PLEKHG1: variants seen among roughly 807,000 people sequenced by gnomAD.
PLEKHG1 encodes pleckstrin homology domain-containing family G member 1.
In PLEKHG1, 44 loss-of-function variants were observed where a neutral mutation model predicts 100.8. The observed-to-expected ratio is 0.44, with a 90% CI of 0.34 to 0.56. The LOEUF is 0.56. Ranked by LOEUF, PLEKHG1 falls within the 20% of genes least tolerant of loss-of-function variation. The pLI is 0.01. For synonymous variants in PLEKHG1, 640 were observed against 662.5 expected (o/e 0.97, Z 0.52); for missense variants, 1,545 against 1,720.9 (o/e 0.90, Z 1.81).
intron 1 of PLEKHG1, chr6:150,625,764 G>C (rs771554071): frequency 6.6e-6 from 1 of 152,196 alleles, no homozygotes; most frequent in Non-Finnish European, 1.5e-5. Flanking sequence ...AAAGTGCTGG[G>C]ATTACAGGCA....
chr6:150,787,273 A>C (rs1323890477), intron 4 of PLEKHG1, among the ~76,000 whole-genome samples: 1 of 152,176 alleles, frequency 6.6e-6, no homozygotes, highest in Non-Finnish European at 1.5e-5. Context: ...AAGCTGCATC[A>C]GTGGTTTCGA....
intron 2 of PLEKHG1, among the ~76,000 whole-genome samples, chr6:150,641,020 GCT>G (rs1778234453): frequency 2.0e-5 from 3 of 152,112 alleles, no homozygotes; most frequent in African/African-American, 7.2e-5. Context: ...GCTAGAGAAT[GCT>G]CTAGCTTATC....
chr6:150,644,334 GTT>G (rs57840463), intron 2 of PLEKHG1, among the ~76,000 whole-genome samples: 18 of 117,590 alleles, frequency 1.5e-4, no homozygotes, highest in African/African-American at 4.5e-4. Flanking sequence ...TTCTTTTCGT[GTT>G]TTTTTTTTTT....
chr6:150,634,407 G>A (rs953502019), intron 1 of PLEKHG1, among the ~76,000 whole-genome samples: 1 of 152,148 alleles, frequency 6.6e-6, no homozygotes, highest in Non-Finnish European at 1.5e-5. Context: ...TAAAGCAGTA[G>A]TTGGGGAGAA....
intron 2 of PLEKHG1, among the ~76,000 whole-genome samples, chr6:150,750,474 G>GT (rs1477086842): frequency 6.6e-6 from 1 of 152,078 alleles, no homozygotes; most frequent in African/African-American, 2.4e-5. Flanking sequence ...TAACAGGAAT[G>GT]TTTTTTTAAT....
intron 1 of PLEKHG1, among the ~76,000 whole-genome samples, chr6:150,604,574 C>T (rs1457888539): frequency 1.3e-5 from 2 of 152,182 alleles, no homozygotes; most frequent in Admixed American, 6.5e-5. Context: ...AGTGTCCTTC[C>T]GTATTTTCGT....
At chr6:150,609,117 A>G (rs924372590) in intron 1 of PLEKHG1, among the ~76,000 whole-genome samples, 6 of 152,168 alleles carry the variant, frequency 3.9e-5, no homozygotes, top group African/African-American at 1.4e-4. Flanking sequence ...AAGGGAACAC[A>G]TTTTTGCTTG....
intron 3 of PLEKHG1, among the ~76,000 whole-genome samples, chr6:150,682,574 T>G (rs1779972117): frequency 6.6e-6 from 1 of 152,068 alleles, no homozygotes; most frequent in Non-Finnish European, 1.5e-5. Flanking sequence ...CCTTTATTGC[T>G]GATAAGCTGA....
At chr6:150,763,596 G>C (rs543003694) in intron 2 of PLEKHG1, among the ~76,000 whole-genome samples, 1 of 152,144 alleles carries the variant, frequency 6.6e-6, no homozygotes, top group Non-Finnish European at 1.5e-5. Context: ...CCAAACCTCA[G>C]AACAGCCCTG....
At chr6:150,807,095 G>C (rs1787164787) in intron 7 of PLEKHG1, among the ~76,000 whole-genome samples, 1 of 152,068 alleles carries the variant, frequency 6.6e-6, no homozygotes, top group Non-Finnish European at 1.5e-5. Flanking sequence ...ACTTCATTAT[G>C]GCCCCAAAGC....
intron 3 of PLEKHG1, among the ~76,000 whole-genome samples, chr6:150,712,422 T>G (rs577874148): frequency 6.6e-6 from 1 of 152,212 alleles, no homozygotes; most frequent in Non-Finnish European, 1.5e-5. Flanking sequence ...TCTTATATTT[T>G]AACCACACAA....
chr6:150,647,509 A>G (rs145926359), intron 2 of PLEKHG1, among the ~76,000 whole-genome samples: 71 of 152,248 alleles, frequency 4.7e-4, no homozygotes, highest in African/African-American at 1.6e-3. Flanking sequence ...TGTTTTGCCT[A>G]TGTAACTTAT....
At chr6:150,775,342 C>A (rs1439991383) in intron 3 of PLEKHG1, among the ~76,000 whole-genome samples, 4 of 152,160 alleles carry the variant, frequency 2.6e-5, no homozygotes, top group Non-Finnish European at 4.4e-5. Flanking sequence ...AAATAAAGAT[C>A]ATTCCTCCAT....
intron 3 of PLEKHG1, among the ~76,000 whole-genome samples, chr6:150,784,367 G>C (rs1175432787): frequency 6.6e-6 from 1 of 152,156 alleles, no homozygotes; most frequent in East Asian, 1.9e-4. Flanking sequence ...TAGACAAATA[G>C]CTCCCTGAGT....
At chr6:150,714,108 C>G (rs1244055712) in intron 3 of PLEKHG1, among the ~76,000 whole-genome samples, 1 of 152,148 alleles carries the variant, frequency 6.6e-6, no homozygotes, top group Non-Finnish European at 1.5e-5. Flanking sequence ...GTGTTATCTC[C>G]TGGAGAAAAA....
intron 3 of PLEKHG1, among the ~76,000 whole-genome samples, chr6:150,691,300 T>G (rs1780342722): frequency 6.6e-6 from 1 of 152,200 alleles, no homozygotes; most frequent in African/African-American, 2.4e-5. Context: ...TCTACTGGTA[T>G]TTTTATATTT....
intron 2 of PLEKHG1, among the ~76,000 whole-genome samples, chr6:150,748,064 G>C (rs1323706395): frequency 6.6e-6 from 1 of 152,108 alleles, no homozygotes; most frequent in African/African-American, 2.4e-5. Flanking sequence ...CCCAGCCTCA[G>C]GGAACCAGCT....
At chr6:150,735,609 G>A (rs1782523237) in intron 2 of PLEKHG1, among the ~76,000 whole-genome samples, 1 of 152,228 alleles carries the variant, frequency 6.6e-6, no homozygotes, top group South Asian at 2.1e-4. Context: ...GGTACCAAAT[G>A]TAGAATAAAG....
rs565121317 is a variant in PLEKHG1, at chr6:150,628,527, A to AACACACACACACACACACACAC, written c.-203-9524_-203-9503dup. Reference sequence around the variant, plus strand: ...TTTTGGGATGGTATGTAGATAGGAAAACACACACACACACACACACACACA... The same window carrying AACACACACACACACACACACAC: ...TTTTGGGATGGTATGTAGATAGGAAAACACACACACACACACACACACACACACACACACACACACACACACA... On this transcript the variant is annotated intron_variant, in intron 1 of 3. Coordinates refer to the PLEKHG1 transcript ENST00000367326. Among the ~76,000 whole-genome samples, 491 of 94,744 alleles carry AACACACACACACACACACACAC rather than the reference A, an allele frequency of 5.2e-3. 11 individuals are homozygous for AACACACACACACACACACACAC. The highest frequency in any genetic ancestry group is 7.8e-3 in the Admixed American group (61 of 7,796). The allele number at this position is 94,744 out of a possible 152,430, so 62.2% of individuals were successfully genotyped here.
Sources: gnomAD v4.1 joint callset for allele counts (sites outside exome capture counted in the v4.1 genomes callset) on GRCh38, gnomAD v4.1.1 for gene constraint, MANE v1.5 for transcripts, NCBI Gene and HGNC (gene_info 2026-07-23, HGNC 2026-07-21) for gene names.